Variants in CCSER2 observed in about 807,000 individuals in gnomAD.
CCSER2 encodes coiled-coil serine rich protein 2, also known as serine-rich coiled-coil domain-containing protein 2.
A neutral mutation model predicts 92.3 loss-of-function variants in CCSER2; 46 were observed. The ratio of observed to expected loss-of-function variants is 0.50; its 90% CI spans 0.39 to 0.64. CCSER2 has a LOEUF of 0.64. Ranked by LOEUF, CCSER2 falls within the 30% of genes least tolerant of loss-of-function variation. The probability of loss-of-function intolerance (pLI) is 0.00; values close to 1 mark genes in which losing one functional copy is unlikely to be tolerated. For missense variants in CCSER2, 1,244 were observed against 1,238.9 expected (o/e 1.00, Z -0.06); for synonymous variants, 433 against 431.4 (o/e 1.00, Z -0.04).
At chr10:84,474,250 G>A (rs1469514298) in intron 8 of CCSER2, among the ~76,000 whole-genome samples, 2 of 152,158 alleles carry the variant, frequency 1.3e-5, no homozygotes, top group African/African-American at 4.8e-5. Context: ...TAGCAGTATA[G>A]TATATTTGAA....
chr10:84,383,474 C>A (rs982710442), intron 3 of CCSER2, among the ~76,000 whole-genome samples: 9 of 152,136 alleles, frequency 5.9e-5, no homozygotes, highest in African/African-American at 2.2e-4. Context: ...CCATACCTGG[C>A]TGATTTTTTG....
At chr10:84,385,004 A>AACACACACACACACACACACAC (rs56977232) in intron 3 of CCSER2, among the ~76,000 whole-genome samples, 87 of 145,872 alleles carry the variant, frequency 6.0e-4, no homozygotes, top group Middle Eastern at 3.6e-3. Flanking sequence ...ATTTACAATA[A>AACACACACACACACACACACAC]ACACACACAC....
Position 84,510,530 on chromosome 10 carries a change from T to A in CCSER2, c.2326-2919T>A, listed in dbSNP as rs140852848. ...ATAAACATTTAAAAAGTGTATGCTT[T>A]TTGATATTCATTCCTATTTGTCTTA... On this transcript the variant is annotated intron_variant, in intron 9 of 9. Transcript: ENST00000372088. Among the ~76,000 whole-genome samples the A allele has an allele frequency of 2.4e-3, 359 of 152,332 alleles. 1 individual carries two copies. Among genetic ancestry groups the A allele is most frequent in the African/African-American group, 8.2e-3 (343 of 41,576 alleles).
intron 1 of CCSER2, among the ~76,000 whole-genome samples, chr10:84,341,397 C>T (rs953713400): frequency 7.6e-6 from 1 of 131,966 alleles, no homozygotes; most frequent in Non-Finnish European, 1.5e-5. Context: ...CTTGCCTGGG[C>T]TGGTCTCAAA....
At chr10:84,479,276 T>G (rs182720277) in intron 9 of CCSER2, among the ~76,000 whole-genome samples, 2 of 152,336 alleles carry the variant, frequency 1.3e-5, no homozygotes, top group South Asian at 4.1e-4. Context: ...TTAACTGGCA[T>G]AGCAAAGTTC....
chr10:84,498,696 A>G (rs1040723937), intron 9 of CCSER2, among the ~76,000 whole-genome samples: 168 of 152,340 alleles, frequency 1.1e-3, no homozygotes, highest in Non-Finnish European at 1.2e-4. Context: ...AAAAATATAC[A>G]TAATTTCTTT....
chr10:84,335,226 CTCTTTTTTT>C (rs1372513601), intron 1 of CCSER2, among the ~76,000 whole-genome samples: 11 of 95,056 alleles, frequency 1.2e-4, no homozygotes, highest in East Asian at 3.4e-4. Context: ...TTCTCTCTCT[CTCTTTTTTT>C]TTTTTTTTTT....
Position 84,371,102 on chromosome 10 carries a change from A to G in CCSER2, c.50A>G (p.Lys17Arg), listed in dbSNP as rs747998065. Reference sequence around the variant, plus strand: ...ACATTTTTGGGTTCCAAGTTGCCAAAGTATGGAACAAAATCTGTAAGAAGT... The same window carrying G: ...ACATTTTTGGGTTCCAAGTTGCCAAGGTATGGAACAAAATCTGTAAGAAGT... ...IKTFLGSKLP[K>R]YGTKSVRSTL... The change falls in exon 2 of 10, where the codon AAG becomes AGG. Residue 17 changes from lysine to arginine, a missense_variant. Transcript: ENST00000372088. 1 of 1,604,746 alleles carries G rather than the reference A, an allele frequency of 6.2e-7. No homozygotes were observed. The highest frequency in any genetic ancestry group is 1.3e-5 in the African/African-American group (1 of 74,442).
chr10:84,330,662 A>G (rs1165544497), intron 1 of CCSER2, among the ~76,000 whole-genome samples: 2 of 151,888 alleles, frequency 1.3e-5, no homozygotes, highest in African/African-American at 4.8e-5. Flanking sequence ...ATAGGCACAC[A>G]CCACCACACC....
intron 6 of CCSER2, chr10:84,455,563 A>T: frequency 2.3e-6 from 1 of 435,152 alleles, no homozygotes; most frequent in East Asian, 5.4e-5. Flanking sequence ...GGCGTGAGCT[A>T]CTGCGCCCAG....
In CCSER2 at chr10:84,432,341, A is replaced by G. The variant is rs61866480; in HGVS notation, c.1869-6171A>G. Among the ~76,000 whole-genome samples, 1,134 of 152,344 alleles carry G rather than the reference A, an allele frequency of 7.4e-3. 8 individuals carry two copies. The highest frequency in any genetic ancestry group is 0.012 in the Non-Finnish European group (840 of 68,032). ...ATTATGTGATACTGAGGTTTGGGAT[A>G]CAGATGATCCCATCACCCAGGTAGT... On this transcript the variant is annotated intron_variant, in intron 5 of 9. Transcript: ENST00000372088.
At chr10:84,510,748 G>A (rs986354468) in intron 9 of CCSER2, among the ~76,000 whole-genome samples, 2 of 152,182 alleles carry the variant, frequency 1.3e-5, no homozygotes, top group Non-Finnish European at 2.9e-5. Flanking sequence ...TGCCTTGCTT[G>A]CTAGAGGTTA....
chr10:84,376,136 C>T (rs1459610412), intron 3 of CCSER2, among the ~76,000 whole-genome samples: 1 of 152,102 alleles, frequency 6.6e-6, no homozygotes, highest in Non-Finnish European at 1.5e-5. Context: ...ATCTCCTAAT[C>T]ATGTCAAGGA....
At chr10:84,392,130 C>T in intron 3 of CCSER2, 1 of 636,378 alleles carries the variant, frequency 1.6e-6, no homozygotes, top group Non-Finnish European at 2.8e-6. Flanking sequence ...AGGGAAAATA[C>T]TACCCTTTAC....
At chr10:84,507,310 C>G in intron 9 of CCSER2, 2 of 985,018 alleles carry the variant, frequency 2.0e-6, no homozygotes, top group Non-Finnish European at 2.4e-6. Context: ...AGAAGTTAGT[C>G]CATTACTTCT....
rs755126442 is a variant in CCSER2 at position 84,371,436 on chromosome 10, C to T, written c.384C>T (p.Ser128=). The T allele has an allele frequency of 6.2e-7, 1 of 1,613,622 alleles. No individual in the cohort carries two copies. The highest frequency in any genetic ancestry group is 2.2e-5 in the East Asian group (1 of 44,864). Residue 128 remains serine, a synonymous_variant, in exon 2 of 10, where the codon TCC becomes TCT. Coordinates refer to ENST00000372088, the MANE Select transcript of CCSER2 (RefSeq NM_001284240.2). ...SLFTSKLAKP[S]TMFVSSTEEL... ...TCACATCAAAGTTAGCAAAGCCATCCACTATGTTTGTGTCATCTACAGAGG... is the reference window on the plus strand; with the variant it reads ...TCACATCAAAGTTAGCAAAGCCATCTACTATGTTTGTGTCATCTACAGAGG...
At chr10:84,339,685 G>T (rs1331873251) in intron 1 of CCSER2, among the ~76,000 whole-genome samples, 1 of 151,556 alleles carries the variant, frequency 6.6e-6, no homozygotes, top group Non-Finnish European at 1.5e-5. Flanking sequence ...ATGTTGGTCA[G>T]GCTGGTCTCG....
chr10:84,441,756 TTTTTTTTTTTTTTTTTTTTTG>T (rs1844573918), intron 6 of CCSER2, among the ~76,000 whole-genome samples: 2 of 80,928 alleles, frequency 2.5e-5, no homozygotes, highest in Non-Finnish European at 5.6e-5. Context: ...TTTTTTTTTT[TTTTTTTTTTTTTTTTTTTTTG>T]AGACGAAGTC....
intron 9 of CCSER2, among the ~76,000 whole-genome samples, chr10:84,488,922 G>A (rs1182736093): frequency 1.3e-5 from 2 of 152,180 alleles, no homozygotes; most frequent in Non-Finnish European, 2.9e-5. Flanking sequence ...GTGTCCCAGA[G>A]ATTCTGGTAT....
Sources: allele counts gnomAD v4.1 joint callset (sites outside exome capture counted in the v4.1 genomes callset), GRCh38; gene constraint gnomAD v4.1.1; transcripts MANE v1.5; gene names NCBI Gene and HGNC (gene_info 2026-07-23, HGNC 2026-07-21).